PCDHGB4: variants seen among roughly 807,000 people sequenced by gnomAD.
The protein encoded by PCDHGB4 is protocadherin gamma-B4.
In PCDHGB4, 38 loss-of-function variants were observed where a neutral mutation model predicts 60.5. That is an observed-to-expected ratio of 0.63 (90% CI 0.48 to 0.82). The LOEUF (loss-of-function observed/expected upper bound fraction) is 0.82, where lower values mean the gene tolerates loss of function less well. Among genes scored for constraint, PCDHGB4 ranks in the 40% least tolerant of loss-of-function variants. The probability of loss-of-function intolerance (pLI) is 0.00; values close to 1 mark genes in which losing one functional copy is unlikely to be tolerated. For missense variants in PCDHGB4, 1,109 were observed against 1,209.6 expected (o/e 0.92, Z 1.23); for synonymous variants, 456 against 509.7 (o/e 0.89, Z 1.42).
In PCDHGB4 at chr5:141,485,507, G is replaced by A. The variant is rs766643911; in HGVS notation, c.2398-9300G>A. 6.8e-6 allele frequency: 11 copies of A among 1,614,174 alleles called. No homozygotes were observed. Among genetic ancestry groups the A allele is most frequent in the Non-Finnish European group, 8.5e-6 (10 of 1,180,036 alleles). ...CGTGCCCCTGGAGTTTGTCACCGAA[G>A]GTCCTTTGGAAATGTACCGAGCAGA... On this transcript the variant is annotated intron_variant, in intron 1 of 3. Transcript: ENST00000519479. The surrounding 1 kb of genome is among the most constrained non-coding windows in gnomAD (Gnocchi z 5.7).
In PCDHGB4 at chr5:141,414,973, A is replaced by G. The variant is rs533056439; in HGVS notation, c.2397+24692A>G. 1.9e-5 allele frequency: 30 copies of G among 1,613,870 alleles called. No homozygotes were observed. The African/African-American group carries it at 3.7e-4, about 20-fold the overall frequency. Reference sequence around the variant, plus strand: ...GGTGACCAAGGTGGTGGCGGTGGACAGAGACTCCGGCCAGAACGCCTGGCT... The same window carrying G: ...GGTGACCAAGGTGGTGGCGGTGGACGGAGACTCCGGCCAGAACGCCTGGCT... On this transcript the variant is annotated intron_variant, in intron 1 of 3. Transcript: ENST00000519479.
intron 1 of PCDHGB4, chr5:141,426,993 G>A (rs1331210977): frequency 1.1e-5 from 5 of 456,742 alleles, no homozygotes; most frequent in Middle Eastern, 3.3e-4. Context: ...CAACGATAAT[G>A]CCCCAGTTTT....
At chr5:141,411,846 T>C (rs962000304) in intron 1 of PCDHGB4, 1 of 151,734 alleles carries the variant, frequency 6.6e-6, no homozygotes, top group African/African-American at 2.4e-5. Context: ...GGTGACAGAG[T>C]GAGACCCTGT....
chr5:141,400,030 C>G (rs201599536), intron 1 of PCDHGB4: 3 of 1,613,050 alleles, frequency 1.9e-6, no homozygotes, highest in Non-Finnish European at 2.5e-6. Flanking sequence ...GGACGCGGCC[C>G]GCCAGCGCCT....
chr5:141,393,578 GC>G, intron 1 of PCDHGB4: 1 of 1,613,930 alleles, frequency 6.2e-7, no homozygotes. Context: ...TTGAGAACAT[GC>G]CCCCAGGCAC....
At chr5:141,393,050 G>A (rs1270447503) in intron 1 of PCDHGB4, 2 of 1,613,668 alleles carry the variant, frequency 1.2e-6, no homozygotes, top group East Asian at 2.2e-5. Flanking sequence ...CTCTGAACCC[G>A]CGCAGCGGCA....
chr5:141,501,475 G>A (rs1305778190), intron 2 of PCDHGB4, among the ~76,000 whole-genome samples: 5 of 152,014 alleles, frequency 3.3e-5, no homozygotes, highest in Admixed American at 3.3e-4. Flanking sequence ...AATCCTGGAA[G>A]AGTCCCTCAT....
chr5:141,482,601 A>T (rs1158399317), intron 1 of PCDHGB4, among the ~76,000 whole-genome samples: 1 of 152,002 alleles, frequency 6.6e-6, no homozygotes, highest in Non-Finnish European at 1.5e-5. Flanking sequence ...ACGGGAAAAA[A>T]CACCTAAATG....
Position 141,388,251 on chromosome 5 carries a change from A to G in PCDHGB4, c.367A>G (p.Ile123Val). Reference protein sequence around the residue: ...PLNFYHVNVEIEDINDHTPKF... With the variant: ...PLNFYHVNVEVEDINDHTPKF... ...GAACTTTTATCACGTGAATGTGGAG[A>G]TCGAGGACATTAATGACCACACGCC... The change falls in exon 1 of 4, where the codon ATC (isoleucine) becomes GTC (valine). Residue 123 changes from isoleucine to valine, a missense_variant. This residue lies in a region of PCDHGB4 where 1,068 missense variants were observed against 1,089.9 expected (regional missense o/e 0.98). Coordinates refer to ENST00000519479, the MANE Select transcript of PCDHGB4 (RefSeq NM_003736.4). 1 of 1,610,692 alleles carries G rather than the reference A, an allele frequency of 6.2e-7. No individual in the cohort carries two copies. The highest frequency in any genetic ancestry group is 8.5e-7 in the Non-Finnish European group (1 of 1,177,900).
chr5:141,398,689 G>T, intron 1 of PCDHGB4: 1 of 1,613,766 alleles, frequency 6.2e-7, no homozygotes, highest in Non-Finnish European at 8.5e-7. Context: ...GAAACAGGAT[G>T]GTAGTAAATA....
chr5:141,409,258 C>G (rs2095247947), intron 1 of PCDHGB4: 2 of 1,613,918 alleles, frequency 1.2e-6, no homozygotes, highest in Non-Finnish European at 8.5e-7. Flanking sequence ...TCACTTCTCT[C>G]TCTGATCAGA....
rs754953894 is a variant in PCDHGB4 at position 141,409,856 on chromosome 5, G to T, written c.2397+19575G>T. 4.0e-5 allele frequency: 64 copies of T among 1,612,232 alleles called. No individual in the cohort carries two copies. Among genetic ancestry groups the T allele is most frequent in the Non-Finnish European group, 5.3e-5 (62 of 1,179,390 alleles). On this transcript the variant is annotated intron_variant, in intron 1 of 3. Coordinates refer to ENST00000519479, the MANE Select transcript of PCDHGB4 (RefSeq NM_003736.4). ...CGCCAACGTGAGCCTGCGCGTGTTG[G>T]TGGGAGACCGCAATGACAACGCACC... is the stretch of plus-strand genomic sequence containing the variant.
At position 141,490,044 on chromosome 5, in the gene PCDHGB4, T is replaced by C; in HGVS notation, c.2398-4763T>C. The C allele has an allele frequency of 1.2e-6, 2 of 1,614,192 alleles. No individual in the cohort carries two copies. Among genetic ancestry groups the C allele is most frequent in the Non-Finnish European group, 1.7e-6 (2 of 1,180,024 alleles). The stretch of plus-strand genomic sequence containing the variant: ...TGCTGCTCCGCCTCAATGCCACTGA[T>C]CCAGACGAGGGCACCAACGGCCAAC... On this transcript the variant is annotated intron_variant, in intron 1 of 3. Transcript: ENST00000519479. The surrounding 1 kb of genome is among the most constrained non-coding windows in gnomAD (Gnocchi z 5.4).
chr5:141,432,117 C>T lies in PCDHGB4; in HGVS notation c.2397+41836C>T, dbSNP rs761106133. The T allele has an allele frequency of 3.9e-5, 63 of 1,614,062 alleles. No individual in the cohort carries two copies. Among genetic ancestry groups the T allele is most frequent in the Non-Finnish European group, 4.2e-5 (50 of 1,180,048 alleles). On this transcript the variant is annotated intron_variant, in intron 1 of 3. Transcript: ENST00000519479. The surrounding 1 kb of genome is among the most constrained non-coding windows in gnomAD (Gnocchi z 6.0). ...ACCAACGACAACCCGCCGGTCTTCC[C>T]TCAGGCCTCCTATTCCGCTTATATC...
Position 141,388,815 on chromosome 5 carries a change from A to G in PCDHGB4, c.931A>G (p.Lys311Glu). 2 of 1,613,992 alleles carry G rather than the reference A, an allele frequency of 1.2e-6. No homozygotes were observed. Among genetic ancestry groups the G allele is most frequent in the Non-Finnish European group, 1.7e-6 (2 of 1,179,862 alleles). ...VLNTLDFEEV[K>E]EYSIVLEARD... ...AAATACATTAGATTTTGAAGAAGTC[A>G]AAGAATATTCCATAGTTTTGGAAGC... Residue 311 changes from lysine (K) to glutamate (E), a missense_variant, in exon 1 of 4, where the codon AAA becomes GAA. Around this residue, in one of 2 missense-constraint regions of PCDHGB4, gnomAD observed 1,068 missense variants for 1,089.9 expected, o/e 0.98. Transcript: ENST00000519479.
In PCDHGB4 at chr5:141,485,234, T is replaced by A. The variant is rs780126313; in HGVS notation, c.2398-9573T>A. 1 of 1,614,124 alleles carries A rather than the reference T, an allele frequency of 6.2e-7. No homozygotes were observed. The highest frequency in any genetic ancestry group is 1.1e-5 in the South Asian group (1 of 91,080). On this transcript the variant is annotated intron_variant, in intron 1 of 3. Transcript: ENST00000519479. This position sits in a 1 kb window ranked among gnomAD's most constrained non-coding sequence, Gnocchi z 5.7. ...GCGGTGGGCTACCCTTTTGTTCCTC[T>A]TTTACCACCTGGGTTACGTTTGTGG...
Position 141,477,554 on chromosome 5 carries a change from A to T in PCDHGB4, c.2398-17253A>T. The T allele has an allele frequency of 6.2e-7, 1 of 1,614,112 alleles. No homozygotes were observed. Among genetic ancestry groups the T allele is most frequent in the South Asian group, 1.1e-5 (1 of 91,086 alleles). Reference sequence around the variant, plus strand: ...CCCCGGGGCTCCAATACTAAACCTAAGTGTCTGGGACCCCGACGCCCCGCA... The same window carrying T: ...CCCCGGGGCTCCAATACTAAACCTATGTGTCTGGGACCCCGACGCCCCGCA... On this transcript the variant is annotated intron_variant, in intron 1 of 3. Transcript: ENST00000519479. This position sits in a 1 kb window ranked among gnomAD's most constrained non-coding sequence, Gnocchi z 4.9.
intron 1 of PCDHGB4, chr5:141,413,527 G>T (rs768496934): frequency 1.2e-6 from 2 of 1,613,820 alleles, no homozygotes; most frequent in African/African-American, 1.3e-5. Flanking sequence ...GGAAGACAGG[G>T]TGAAACTTTT....
Position 141,477,311 on chromosome 5 carries a change from C to G in PCDHGB4, c.2398-17496C>G. 6.2e-7 allele frequency: 1 copy of G among 1,614,186 alleles called. No individual in the cohort carries two copies. The highest frequency in any genetic ancestry group is 8.5e-7 in the Non-Finnish European group (1 of 1,180,032). ...AGTTCCACCGGGTCTCCCTTTCAGC[C>G]TTACTTCTTCCCTCAAGAATTACTT... On this transcript the variant is annotated intron_variant, in intron 1 of 3. Coordinates refer to ENST00000519479, the MANE Select transcript of PCDHGB4 (RefSeq NM_003736.4). The surrounding 1 kb of genome is among the most constrained non-coding windows in gnomAD (Gnocchi z 4.9).
Sources: allele counts gnomAD v4.1 joint callset (sites outside exome capture counted in the v4.1 genomes callset), GRCh38; gene constraint gnomAD v4.1.1; regional missense constraint gnomAD v4.1.1; non-coding constraint Gnocchi (gnomAD v3.1); transcripts MANE v1.5; gene names NCBI Gene and HGNC (gene_info 2026-07-23, HGNC 2026-07-21).